Variants in EPHB1 observed in about 807,000 individuals in gnomAD.
EPHB1 encodes EPH receptor B1, also known as ephrin type-B receptor 1.
A neutral mutation model predicts 94.4 loss-of-function variants in EPHB1; 30 were observed. That is an observed-to-expected ratio of 0.32 (90% CI 0.24 to 0.43). The LOEUF is 0.43. Among genes scored for constraint, EPHB1 ranks in the 20% least tolerant of loss-of-function variants. The pLI, the probability that EPHB1 is intolerant of heterozygous loss-of-function variation, is 1.00. For synonymous variants in EPHB1, 522 were observed against 489.1 expected, an observed-to-expected ratio of 1.07 and a Z score of -0.89; for missense variants, 1,055 against 1,308.3, an observed-to-expected ratio of 0.81 and a Z score of 2.99.
At chr3:135,146,084 C>T (rs1576425092) in intron 5 of EPHB1, among the ~76,000 whole-genome samples, 1 of 152,304 alleles carries the variant, frequency 6.6e-6, no homozygotes, top group Non-Finnish European at 1.5e-5. Flanking sequence ...TCACAGTGCA[C>T]TGTGTCCCAA....
At chr3:134,969,544 G>A (rs1466112922) in intron 3 of EPHB1, among the ~76,000 whole-genome samples, 1 of 152,118 alleles carries the variant, frequency 6.6e-6, no homozygotes, top group Non-Finnish European at 1.5e-5. Context: ...TGTGATGAAG[G>A]CCTTCATTTA....
intron 1 of EPHB1, among the ~76,000 whole-genome samples, chr3:134,907,214 A>G (rs1396474085): frequency 6.6e-6 from 1 of 152,214 alleles, no homozygotes; most frequent in Non-Finnish European, 1.5e-5. Flanking sequence ...TGGGTTACCC[A>G]GTGCCACATT....
intron 1 of EPHB1, among the ~76,000 whole-genome samples, chr3:134,803,070 C>G (rs2035964622): frequency 6.6e-6 from 1 of 152,210 alleles, no homozygotes; most frequent in Non-Finnish European, 1.5e-5. Context: ...CCACTAGCAG[C>G]TGCTTAAGGA....
chr3:134,809,967 A>G (rs1372878347), intron 1 of EPHB1, among the ~76,000 whole-genome samples: 3 of 152,244 alleles, frequency 2.0e-5, no homozygotes, highest in African/African-American at 7.2e-5. Context: ...TCAGGCAGGC[A>G]ATTGGAACAT....
chr3:135,160,539 C>T (rs1210375194), intron 6 of EPHB1, among the ~76,000 whole-genome samples: 1 of 152,132 alleles, frequency 6.6e-6, no homozygotes, highest in African/African-American at 2.4e-5. Flanking sequence ...TGGATCATTC[C>T]CTCCTAGTGA....
At chr3:134,850,618 G>A (rs2036960444) in intron 1 of EPHB1, among the ~76,000 whole-genome samples, 4 of 152,242 alleles carry the variant, frequency 2.6e-5, no homozygotes, top group Admixed American at 2.6e-4. Context: ...GTGGTGAGAA[G>A]GGGCTATGGG....
chr3:134,904,735 TAGTC>T (rs557304309), intron 1 of EPHB1, among the ~76,000 whole-genome samples: 2 of 152,218 alleles, frequency 1.3e-5, no homozygotes, highest in Non-Finnish European at 2.9e-5. Flanking sequence ...TGATCACAGA[TAGTC>T]AGGGAAGACA....
At chr3:135,064,738 C>T (rs1425408351) in intron 3 of EPHB1, among the ~76,000 whole-genome samples, 1 of 149,914 alleles carries the variant, frequency 6.7e-6, no homozygotes, top group African/African-American at 2.5e-5. Context: ...TTCCTTTCCT[C>T]TGCTGGGTTT....
intron 1 of EPHB1, among the ~76,000 whole-genome samples, chr3:134,833,393 C>A: frequency 6.6e-6 from 1 of 152,188 alleles, no homozygotes; most frequent in Non-Finnish European, 1.5e-5. Context: ...CCCCAACAGG[C>A]CAGGCAGCAC....
chr3:134,801,793 G>A (rs2035939754), intron 1 of EPHB1, among the ~76,000 whole-genome samples: 1 of 152,156 alleles, frequency 6.6e-6, no homozygotes, highest in Non-Finnish European at 1.5e-5. Flanking sequence ...TGGGTGGGGG[G>A]CATTGAGTGG....
At chr3:134,941,745 G>GCACA (rs1491550727) in intron 2 of EPHB1, among the ~76,000 whole-genome samples, 177 of 92,688 alleles carry the variant, frequency 1.9e-3, no homozygotes, top group Admixed American at 0.01. Flanking sequence ...CTTTACATAT[G>GCACA]CACACAGACA....
In EPHB1 at chr3:135,232,204, T is replaced by C. The variant is rs114243606; in HGVS notation, c.2347-8944T>C. Reference sequence around the variant, plus strand: ...GAAAAATATCACTTTACTCATTAGATTGAGGAAAATGGGTCAGTGTACTTT... The same window carrying C: ...GAAAAATATCACTTTACTCATTAGACTGAGGAAAATGGGTCAGTGTACTTT... On this transcript the variant is annotated intron_variant, in intron 12 of 15. Transcript: ENST00000398015. Among the ~76,000 whole-genome samples, 685 of 152,344 alleles carry C rather than the reference T, an allele frequency of 4.5e-3. 9 individuals carry two copies. The highest frequency in any genetic ancestry group is 0.016 in the African/African-American group (655 of 41,576).
At chr3:135,193,771 A>G (rs1942523648) in intron 11 of EPHB1, among the ~76,000 whole-genome samples, 1 of 152,234 alleles carries the variant, frequency 6.6e-6, no homozygotes, top group South Asian at 2.1e-4. Flanking sequence ...CCTATTCTGG[A>G]TGCTGTGCCT....
At chr3:134,912,822 G>A (rs1196094828) in intron 1 of EPHB1, among the ~76,000 whole-genome samples, 2 of 152,198 alleles carry the variant, frequency 1.3e-5, no homozygotes, top group South Asian at 2.1e-4. Context: ...CAGCCATGGT[G>A]GTAAGACCCA....
intron 1 of EPHB1, among the ~76,000 whole-genome samples, chr3:134,860,150 G>GACACACACACACACACAGAC (rs1553858669): frequency 0.051 from 7,272 of 142,476 alleles, 255 homozygotes; most frequent in Middle Eastern, 0.13. Context: ...AGAAGGAAGG[G>GACACACACACACACACAGAC]ACACACACAC....
rs113329347 is a variant in EPHB1, at chr3:134,911,241, G to C, written c.59-14575G>C. On this transcript the variant is annotated intron_variant, in intron 1 of 15. Transcript: ENST00000398015. Reference sequence around the variant, plus strand: ...AAGGTGTGGCAGCCCATGGGTGAGAGTGAAGATCCTGGCACTATTCTCTCA... The same window carrying C: ...AAGGTGTGGCAGCCCATGGGTGAGACTGAAGATCCTGGCACTATTCTCTCA... Among the ~76,000 whole-genome samples, 358 of 152,338 alleles carry C rather than the reference G, an allele frequency of 2.4e-3. 2 individuals carry two copies. Among genetic ancestry groups the C allele is most frequent in the African/African-American group, 6.8e-3 (284 of 41,576 alleles).
intron 5 of EPHB1, among the ~76,000 whole-genome samples, chr3:135,140,858 G>C (rs1418356278): frequency 6.6e-6 from 1 of 152,166 alleles, no homozygotes; most frequent in Non-Finnish European, 1.5e-5. Context: ...GAGCACCAGG[G>C]GTTTCTGAAT....
intron 1 of EPHB1, among the ~76,000 whole-genome samples, chr3:134,808,036 T>C (rs2036102459): frequency 6.6e-6 from 1 of 152,190 alleles, no homozygotes; most frequent in Non-Finnish European, 1.5e-5. Flanking sequence ...AAAGTCTGGT[T>C]GATGAAGTTC....
chr3:135,024,605 T>C (rs16842526), intron 3 of EPHB1, among the ~76,000 whole-genome samples: 38,695 of 152,038 alleles, frequency 0.25, 6,415 homozygotes, highest in East Asian at 0.71. Flanking sequence ...CTAGCACCTT[T>C]TTCCTTCCTG....
Sources: allele counts gnomAD v4.1 joint callset (sites outside exome capture counted in the v4.1 genomes callset), GRCh38; gene constraint gnomAD v4.1.1; transcripts MANE v1.5; gene names NCBI Gene and HGNC (gene_info 2026-07-23, HGNC 2026-07-21).